COL11A1: variants seen among roughly 807,000 people sequenced by gnomAD.
COL11A1 encodes the protein collagen type XI alpha 1 chain.
In COL11A1, 74 loss-of-function variants were observed where a neutral mutation model predicts 265.2. That is an observed-to-expected ratio of 0.28 (90% CI 0.23 to 0.34). The LOEUF (loss-of-function observed/expected upper bound fraction) is 0.34, where lower values mean the gene tolerates loss of function less well. Among genes scored for constraint, COL11A1 ranks in the 10% least tolerant of loss-of-function variants. The probability of loss-of-function intolerance (pLI) is 1.00; values close to 1 mark genes in which losing one functional copy is unlikely to be tolerated. For synonymous variants in COL11A1, 816 were observed against 727.6 expected, an observed-to-expected ratio of 1.12 and a Z score of -1.96; for missense variants, 2,165 against 2,263.6, an observed-to-expected ratio of 0.96 and a Z score of 0.88.
At chr1:103,037,262 G>T (rs756246526) in intron 4 of COL11A1, among the ~76,000 whole-genome samples, 5,150 of 137,978 alleles carry the variant, frequency 0.037, 117 homozygotes, top group Middle Eastern at 0.1. Flanking sequence ...TTGTGTGTGT[G>T]TGTGTGTGTG....
At chr1:102,954,304 T>C (rs183463907) in intron 41 of COL11A1, among the ~76,000 whole-genome samples, 160 of 152,226 alleles carry the variant, frequency 1.1e-3, no homozygotes, top group Non-Finnish European at 1.6e-4. Flanking sequence ...GAATAGAAAG[T>C]ATTCCCCTAA....
intron 4 of COL11A1, among the ~76,000 whole-genome samples, chr1:103,033,171 C>A (rs1452273778): frequency 2.0e-5 from 3 of 152,020 alleles, no homozygotes; most frequent in African/African-American, 7.2e-5. Flanking sequence ...TGTGTTAGTA[C>A]TTCATTCCTC....
intron 20 of COL11A1, among the ~76,000 whole-genome samples, chr1:103,003,905 G>A (rs2101839560): frequency 6.6e-6 from 1 of 152,112 alleles, no homozygotes; most frequent in East Asian, 1.9e-4. Context: ...TACTTGACAA[G>A]GATCTAAAAT....
At chr1:103,108,029 G>T in intron 1 of COL11A1, 44 bp downstream of exon 1, 1 of 1,427,550 alleles carries the variant, frequency 7.0e-7, no homozygotes. Context: ...GAAGCAGTAG[G>T]ACCGACGGCA....
rs766137600 is a variant in COL11A1 at position 102,961,907 on chromosome 1, G to T, written c.3127C>A (p.Leu1043Met). The change falls in exon 41 of 67, where the codon CTG becomes ATG. Residue 1043 changes from leucine (L) to methionine (M), a missense_variant. Coordinates refer to ENST00000370096, the MANE Select transcript of COL11A1 (RefSeq NM_001854.4). ...GLPGAQGAPGLKGGEGPQGPP... is the reference protein window; with the variant it reads ...GLPGAQGAPGMKGGEGPQGPP... ...CCCTGGGGACCTTCCCCTCCTTTCA[G>T]TCCAGGTGCACCCTGGGAAAAGTGA... 8 of 1,612,950 alleles carry T rather than the reference G, an allele frequency of 5.0e-6. No individual in the cohort carries two copies. Among genetic ancestry groups the T allele is most frequent in the Non-Finnish European group, 5.9e-6 (7 of 1,179,638 alleles).
At chr1:103,062,116 A>G (rs551794148) in intron 4 of COL11A1, among the ~76,000 whole-genome samples, 1 of 152,108 alleles carries the variant, frequency 6.6e-6, no homozygotes, top group South Asian at 2.1e-4. Flanking sequence ...GGTAGATCCA[A>G]TCTGTAAAAA....
chr1:103,064,835 T>TA (rs34232422), intron 4 of COL11A1, among the ~76,000 whole-genome samples: 8,603 of 136,484 alleles, frequency 0.063, 250 homozygotes, highest in Middle Eastern at 0.11. Context: ...ATAGAGGCAG[T>TA]AAAAAAAAAA....
At chr1:103,102,998 T>C (rs1356539132) in intron 1 of COL11A1, among the ~76,000 whole-genome samples, 1 of 152,048 alleles carries the variant, frequency 6.6e-6, no homozygotes, top group Non-Finnish European at 1.5e-5. Flanking sequence ...ACAACAGATA[T>C]CATGGTAGCC....
In COL11A1 at chr1:102,936,950, C is replaced by T. The variant is rs374670629; in HGVS notation, c.3439-1837G>A. 3.7e-3 allele frequency among the ~76,000 whole-genome samples: 570 copies of T among 152,166 alleles called. 9 individuals carry two copies. The highest frequency in any genetic ancestry group is 6.6e-3 in the Admixed American group (101 of 15,274). On this transcript the variant is annotated intron_variant, in intron 44 of 66. Transcript: ENST00000370096. ...TATGTGAGCTTAGATTTTCTTCATG[C>T]TTTCAACCAAAAAAACATGTCACCA...
Sources: allele counts gnomAD v4.1 joint callset (sites outside exome capture counted in the v4.1 genomes callset), GRCh38; gene constraint gnomAD v4.1.1; transcripts MANE v1.5; gene names NCBI Gene and HGNC (gene_info 2026-07-23, HGNC 2026-07-21).